METTL22: variants seen among roughly 807,000 people sequenced by gnomAD.
METTL22 encodes methyltransferase-like protein 22.
Under a neutral mutation model 48.4 loss-of-function variants are expected in METTL22, and 51 were observed. The observed-to-expected ratio is 1.05, with a 90% CI of 0.84 to 1.33. The LOEUF is 1.33. METTL22 is among the 40% of genes most tolerant of loss of function. The pLI is 0.00. For missense variants in METTL22, 678 were observed against 526.9 expected (o/e 1.29, Z -2.81); for synonymous variants, 255 against 214.1 (o/e 1.19, Z -1.67).
chr16:8,663,319 C>G, the METTL22 span, among the ~76,000 whole-genome samples: 3 of 151,886 alleles, frequency 2.0e-5, no homozygotes, highest in African/African-American at 7.3e-5. Context: ...GGAAATTCCC[C>G]AAGTAGGCGT....
chr16:8,628,526 G>A (rs57155796), intron 2 of METTL22, among the ~76,000 whole-genome samples: 1,902 of 152,170 alleles, frequency 0.012, 46 homozygotes, highest in African/African-American at 0.044. Context: ...ATGAAATGGC[G>A]GCTGCTCTTG....
chr16:8,624,592 A>G (rs2055977910), intron 1 of METTL22, among the ~76,000 whole-genome samples: 1 of 152,072 alleles, frequency 6.6e-6, no homozygotes, highest in South Asian at 2.1e-4. Flanking sequence ...TAAGCCAGGC[A>G]TGATGGCTCA....
chr16:8,662,337 C>G, the METTL22 span, among the ~76,000 whole-genome samples: 2 of 145,298 alleles, frequency 1.4e-5, no homozygotes, highest in South Asian at 2.2e-4. Flanking sequence ...TGACCCCTGC[C>G]CAGGGTGAAT....
At chr16:8,636,932 C>T (rs548370706) in intron 5 of METTL22, among the ~76,000 whole-genome samples, 1 of 152,298 alleles carries the variant, frequency 6.6e-6, no homozygotes, top group South Asian at 2.1e-4. Context: ...GTGCCATATG[C>T]CCTTCCTCTG....
At chr16:8,632,448 C>G (rs1351399333) in intron 3 of METTL22, among the ~76,000 whole-genome samples, 1 of 152,200 alleles carries the variant, frequency 6.6e-6, no homozygotes, top group Non-Finnish European at 1.5e-5. Context: ...TCAGGCGATC[C>G]TCCTGCTTTA....
intron 3 of METTL22, chr16:8,631,859 T>C (rs866919174): frequency 6.6e-6 from 1 of 152,216 alleles, no homozygotes; most frequent in South Asian, 2.1e-4. Context: ...AGCCCCAAGA[T>C]GGCCCTGGGT....
intron 9 of METTL22, 88 bp from the exon 10 acceptor site, chr16:8,644,469 T>A (rs538972351): frequency 3.2e-5 from 42 of 1,326,586 alleles, no homozygotes; most frequent in Middle Eastern, 3.8e-4. Flanking sequence ...ATGAGATCAG[T>A]GAGGGATAGG....
intron 8 of METTL22, 121 bp downstream of exon 8, chr16:8,642,328 A>G (rs754384460): frequency 8.2e-7 from 1 of 1,218,926 alleles, no homozygotes; most frequent in Non-Finnish European, 1.2e-6. Flanking sequence ...ATGCCACCAC[A>G]TCTGCAGTTT....
the METTL22 span, among the ~76,000 whole-genome samples, chr16:8,663,021 A>G: frequency 6.7e-6 from 1 of 149,822 alleles, no homozygotes; most frequent in East Asian, 2.0e-4. Flanking sequence ...CAGCCTGGCC[A>G]ACATGGTGAA....
intron 9 of METTL22, 62 bp downstream of exon 9, chr16:8,642,627 T>TAAAC (rs2056659642): frequency 6.8e-7 from 1 of 1,463,936 alleles, no homozygotes; most frequent in Non-Finnish European, 9.6e-7. Flanking sequence ...TCTCACCTCC[T>TAAAC]AATTGTGTCC....
Position 8,635,020 on chromosome 16 carries a change from T to C in METTL22, c.515-19T>C. 1 of 1,613,168 alleles carries C rather than the reference T, an allele frequency of 6.2e-7. No homozygotes were observed. The highest frequency in any genetic ancestry group is 8.5e-7 in the Non-Finnish European group (1 of 1,180,022). On this transcript the variant is annotated intron_variant, in intron 3 of 10. Coordinates refer to ENST00000381920, the MANE Select transcript of METTL22 (RefSeq NM_024109.4). ...CCCATTTCACAGTGGGCATTTCTCT[T>C]GGTTTCTGTCCCATCCAGAGCACAC...
downstream of METTL22, among the ~76,000 whole-genome samples, chr16:8,653,055 C>T (rs1322212484): frequency 6.6e-6 from 1 of 152,172 alleles, no homozygotes; most frequent in East Asian, 1.9e-4. Flanking sequence ...AATGCATGCG[C>T]CGGGCAAACG....
chr16:8,644,092 C>G (rs2056707648), intron 9 of METTL22, among the ~76,000 whole-genome samples: 1 of 145,740 alleles, frequency 6.9e-6, no homozygotes, highest in Non-Finnish European at 1.5e-5. Context: ...TCTCTGAAAT[C>G]TCTCAGACCC....
intron 2 of METTL22, among the ~76,000 whole-genome samples, chr16:8,627,639 T>G (rs1446058692): frequency 1.3e-5 from 2 of 152,224 alleles, no homozygotes; most frequent in Admixed American, 6.5e-5. Context: ...AAGAGTTTTA[T>G]GAAGCCACAG....
Position 8,628,789 on chromosome 16 carries a change from A to G in METTL22, c.193A>G (p.Lys65Glu), listed in dbSNP as rs775570965. The G allele has an allele frequency of 1.9e-6, 3 of 1,614,214 alleles. No individual in the cohort carries two copies. The South Asian group carries it at 3.3e-5, about 18-fold the overall frequency. The change falls in exon 3 of 11, where the codon AAG (lysine) becomes GAG (glutamate). Residue 65 changes from lysine to glutamate, a missense_variant. Transcript: ENST00000381920. ...SQDSWTDSGA[K>E]GGSHRDVHTK... is the part of the protein sequence containing the mutation. ...AGACTCTTGGACAGATTCAGGAGCC[A>G]AGGGTGGCAGTCACAGAGATGTTCA...
At chr16:8,660,141 T>C in the METTL22 span, among the ~76,000 whole-genome samples, 1 of 151,468 alleles carries the variant, frequency 6.6e-6, no homozygotes, top group Non-Finnish European at 1.5e-5. Flanking sequence ...ACTGACTTTA[T>C]GTGTAACATG....
At chr16:8,645,309 T>C (rs1641068) in intron 10 of METTL22, among the ~76,000 whole-genome samples, 150,367 of 152,296 alleles carry the variant, frequency 0.99, 74,267 homozygotes, top group Middle Eastern at 1. Flanking sequence ...CTGCCGCCCT[T>C]GCACTCTGTC....
Position 8,647,483 on chromosome 16 carries a change from A to T in METTL22, c.*1340A>T, listed in dbSNP as rs1048465724. The T allele has an allele frequency of 2.0e-5, 3 of 152,236 alleles. No homozygotes were observed. The highest frequency in any genetic ancestry group is 7.2e-5 in the African/African-American group (3 of 41,450). 9.4% of individuals were successfully genotyped at this position (152,236 alleles called of 1,614,324 possible). ...TTTGTGAGTGATTTTGCCTCCAGGA[A>T]CATTTGGCAGTGCCTGGAGACATTT... On this transcript the variant is annotated 3_prime_UTR_variant, in exon 11 of 11. Transcript: ENST00000381920.
At chr16:8,630,790 C>T (rs763330843) in intron 3 of METTL22, among the ~76,000 whole-genome samples, 2 of 152,202 alleles carry the variant, frequency 1.3e-5, no homozygotes, top group Non-Finnish European at 2.9e-5. Flanking sequence ...TTCACTTTTT[C>T]AGCTGTCAGT....
Sources: gnomAD v4.1 joint callset for allele counts (sites outside exome capture counted in the v4.1 genomes callset) on GRCh38, gnomAD v4.1.1 for gene constraint, MANE v1.5 for transcripts, NCBI Gene and HGNC (gene_info 2026-07-23, HGNC 2026-07-21) for gene names.